The following PLAC1 variants were observed in gnomAD, a reference collection of about 807,000 sequenced individuals.
The protein encoded by PLAC1 is placenta associated 1, also known as placenta-specific protein 1.
For synonymous variants in PLAC1, 68 were observed against 62.1 expected (o/e 1.09, Z -0.44); for missense variants, 136 against 163.2 (o/e 0.83, Z 0.91).
At chrX:134,719,502 G>A (rs978935231) in intron 2 of PLAC1, among the ~76,000 whole-genome samples, 3 of 111,783 alleles carry the variant, frequency 2.7e-5, no homozygotes, top group African/African-American at 6.5e-5. Context: ...TAGGCCAGGC[G>A]AGGTGTAATC....
At chrX:134,661,651 C>T (rs971615796), upstream of PLAC1, among the ~76,000 whole-genome samples, 38 of 111,767 alleles carry the variant, frequency 3.4e-4, no homozygotes, top group African/African-American at 1.1e-3. Flanking sequence ...TTTGAAAATA[C>T]GTAAAAATAA....
intron 2 of PLAC1, among the ~76,000 whole-genome samples, chrX:134,580,650 A>G (rs1479516292): frequency 9.0e-6 from 1 of 111,674 alleles, no homozygotes; most frequent in Non-Finnish European, 1.9e-5. Flanking sequence ...CTTTTCAAGC[A>G]GGGGAAATTG....
At chrX:134,763,338 C>T (rs1569416157) in intron 1 of PLAC1, among the ~76,000 whole-genome samples, 2 of 112,112 alleles carry the variant, frequency 1.8e-5, no homozygotes, top group Non-Finnish European at 3.8e-5. Flanking sequence ...CTAGAAGCTC[C>T]TTTCTCTGAG....
chrX:134,675,812 C>A (rs2012425512), intron 2 of PLAC1, among the ~76,000 whole-genome samples: 1 of 111,791 alleles, frequency 8.9e-6, no homozygotes, highest in Non-Finnish European at 1.9e-5. Flanking sequence ...GATGAAGAGT[C>A]TGAATTCCCA....
At chrX:134,662,927 T>G (rs917767485), upstream of PLAC1, among the ~76,000 whole-genome samples, 1 of 111,946 alleles carries the variant, frequency 8.9e-6, no homozygotes, top group Non-Finnish European at 1.9e-5. Context: ...AGATCCTGTC[T>G]CAAACAAACA....
At chrX:134,730,446 G>T (rs1262987597) in intron 2 of PLAC1, among the ~76,000 whole-genome samples, 1 of 110,936 alleles carries the variant, frequency 9.0e-6, no homozygotes, top group African/African-American at 3.3e-5. Flanking sequence ...TACTCAAGAT[G>T]AATTCTTTTT....
chrX:134,716,502 C>T (rs907292222), intron 2 of PLAC1, among the ~76,000 whole-genome samples: 2 of 112,728 alleles, frequency 1.8e-5, no homozygotes, highest in African/African-American at 6.4e-5. Context: ...TGCCATTGCC[C>T]TTTTGCCTTG....
rs372578622 is a variant in PLAC1 at position 134,649,159 on chromosome X, T to C, written c.-131+9169A>G. 3.5e-4 allele frequency among the ~76,000 whole-genome samples: 37 copies of C among 105,816 alleles called. No homozygotes were observed. In the East Asian group the frequency reaches 0.01, roughly 29 times the overall value. The allele number at this position is 105,816 out of a possible 115,157, so 91.9% of individuals were successfully genotyped here. A position where few individuals can be genotyped will look rare whatever the true frequency, so the allele number is the denominator to read the frequency against. Reference sequence around the variant, plus strand: ...GGCGGGTGCCTGTAATCCCAGCTACTCAGGAGGTTGAGGCAGGAGAATCAC... The same window carrying C: ...GGCGGGTGCCTGTAATCCCAGCTACCCAGGAGGTTGAGGCAGGAGAATCAC... On this transcript the variant is annotated intron_variant, in intron 1 of 2. Transcript: ENST00000359237.
At chrX:134,732,186 C>T (rs1318302014) in intron 2 of PLAC1, among the ~76,000 whole-genome samples, 2 of 111,267 alleles carry the variant, frequency 1.8e-5, no homozygotes, top group Non-Finnish European at 3.8e-5. Context: ...GTGTCCCTTC[C>T]TCCAGATTTC....
chrX:134,596,035 G>A (rs1193180208), intron 2 of PLAC1, among the ~76,000 whole-genome samples: 2 of 111,165 alleles, frequency 1.8e-5, no homozygotes, highest in Admixed American at 1.9e-4. Context: ...GTGGCTCTAG[G>A]TATTACATTG....
chrX:134,614,035 C>G (rs2078167257), intron 1 of PLAC1, among the ~76,000 whole-genome samples: 1 of 110,276 alleles, frequency 9.1e-6, no homozygotes, highest in Non-Finnish European at 1.9e-5. Flanking sequence ...ATCCCAGCCT[C>G]TATGCTCCTG....
chrX:134,620,752 T>G (rs1447753298), intron 1 of PLAC1, among the ~76,000 whole-genome samples: 5 of 112,080 alleles, frequency 4.5e-5, no homozygotes, highest in Non-Finnish European at 9.4e-5. Context: ...TGTTAGAAAA[T>G]GAGAACTCAT....
chrX:134,702,264 C>A (rs775413704), intron 2 of PLAC1, among the ~76,000 whole-genome samples: 51 of 111,714 alleles, frequency 4.6e-4, no homozygotes, highest in South Asian at 1.1e-3. Flanking sequence ...CAAAAGAAAA[C>A]TAAATGTTCT....
intron 1 of PLAC1, among the ~76,000 whole-genome samples, chrX:134,752,230 T>C (rs1322800651): frequency 1.9e-5 from 2 of 107,323 alleles, no homozygotes; most frequent in Non-Finnish European, 3.8e-5. Flanking sequence ...CGTTTTTCTT[T>C]TCATTTCTTC....
chrX:134,761,193 A>G (rs868351091), intron 1 of PLAC1, among the ~76,000 whole-genome samples: 1 of 111,538 alleles, frequency 9.0e-6, no homozygotes, highest in African/African-American at 3.3e-5. Flanking sequence ...AGGAAAAAAA[A>G]AATATATAGA....
At chrX:134,615,471 T>C (rs1254672668) in intron 1 of PLAC1, among the ~76,000 whole-genome samples, 5 of 112,376 alleles carry the variant, frequency 4.4e-5, no homozygotes, top group African/African-American at 1.6e-4. Flanking sequence ...TCCTTACATA[T>C]TTTGGATATT....
chrX:134,682,049 A>C (rs746056017), intron 2 of PLAC1, among the ~76,000 whole-genome samples: 1 of 111,928 alleles, frequency 8.9e-6, no homozygotes. Flanking sequence ...AAAGGGGAAA[A>C]AGATAGTTTT....
rs1187090226 is a variant in PLAC1 at position 134,675,748 on chromosome X, G to T, written n.174+57687C>A. ...GATGGAGGCAGAGTTAGAACTCATGGTGTGGGCAACCAATACAGAAAATCT... is the reference window on the plus strand; with the variant it reads ...GATGGAGGCAGAGTTAGAACTCATGTTGTGGGCAACCAATACAGAAAATCT... On this transcript the variant is annotated intron_variant and non_coding_transcript_variant, in intron 2 of 2. Coordinates refer to the PLAC1 transcript ENST00000466797. Among the ~76,000 whole-genome samples the T allele has an allele frequency of 2.7e-5, 3 of 111,652 alleles. No homozygotes were observed. The Admixed American group carries it at 2.9e-4, about 11-fold the overall frequency.
At chrX:134,679,380 G>A (rs771146342) in intron 2 of PLAC1, among the ~76,000 whole-genome samples, 1 of 110,869 alleles carries the variant, frequency 9.0e-6, no homozygotes, top group East Asian at 2.8e-4. Flanking sequence ...ATCAGCCACG[G>A]GGTTGGATGA....
Sources: allele counts gnomAD v4.1 joint callset (sites outside exome capture counted in the v4.1 genomes callset), GRCh38; gene constraint gnomAD v4.1.1; transcripts MANE v1.5; gene names NCBI Gene and HGNC (gene_info 2026-07-23, HGNC 2026-07-21).